The following AEBP2 variants were observed in gnomAD, a reference collection of about 807,000 sequenced individuals.
AEBP2 encodes the protein AE binding protein 2.
A neutral mutation model predicts 50.8 loss-of-function variants in AEBP2; 10 were observed. That is an observed-to-expected ratio of 0.20 (90% CI 0.12 to 0.33). The LOEUF (loss-of-function observed/expected upper bound fraction) is 0.33. Among genes scored for constraint, AEBP2 ranks in the 10% least tolerant of loss-of-function variants. The pLI is 1.00. For synonymous variants in AEBP2, 296 were observed against 261.3 expected (o/e 1.13, Z -1.28); for missense variants, 570 against 688.0 (o/e 0.83, Z 1.92).
chr12:19,460,395 G>A (rs1352200823), intron 1 of AEBP2, among the ~76,000 whole-genome samples: 4 of 151,514 alleles, frequency 2.6e-5, no homozygotes, highest in African/African-American at 9.7e-5. Flanking sequence ...AGGCTCGAGT[G>A]CAGTGGCGTT....
chr12:19,469,211 C>T (rs1948534231), intron 2 of AEBP2, among the ~76,000 whole-genome samples: 1 of 152,172 alleles, frequency 6.6e-6, no homozygotes, highest in Non-Finnish European at 1.5e-5. Context: ...CAGGCGTGAG[C>T]CACTGCACCT....
At chr12:19,444,548 C>G (rs1252735756) in intron 1 of AEBP2, among the ~76,000 whole-genome samples, 1 of 152,210 alleles carries the variant, frequency 6.6e-6, no homozygotes, top group Non-Finnish European at 1.5e-5. Flanking sequence ...GCATGAACCA[C>G]CAGACCTGGC....
intron 1 of AEBP2, among the ~76,000 whole-genome samples, chr12:19,446,668 C>G (rs1461184683): frequency 6.7e-6 from 1 of 148,752 alleles, no homozygotes; most frequent in Non-Finnish European, 1.5e-5. Flanking sequence ...GGAGGCGGAG[C>G]TTGCAGTGAG....
intron 5 of AEBP2, among the ~76,000 whole-genome samples, chr12:19,501,188 G>C (rs1248008374): frequency 2.6e-5 from 4 of 151,984 alleles, no homozygotes; most frequent in South Asian, 4.1e-4. Context: ...AAAATTACCT[G>C]GGTGTGGTAG....
intron 3 of AEBP2, among the ~76,000 whole-genome samples, chr12:19,491,710 T>A (rs1436602910): frequency 6.6e-6 from 1 of 150,768 alleles, no homozygotes; most frequent in Non-Finnish European, 1.5e-5. Flanking sequence ...ATAAGAAGAA[T>A]GTGTGATTTT....
intron 3 of AEBP2, among the ~76,000 whole-genome samples, chr12:19,491,398 T>G (rs1348829270): frequency 6.6e-6 from 1 of 152,164 alleles, no homozygotes; most frequent in Non-Finnish European, 1.5e-5. Flanking sequence ...GCCCTGTGCT[T>G]TAGTTAGGCC....
intron 2 of AEBP2, among the ~76,000 whole-genome samples, chr12:19,463,488 A>G (rs797006337): frequency 1.1e-3 from 167 of 152,276 alleles, no homozygotes; most frequent in African/African-American, 3.7e-3. Flanking sequence ...ATTTCCTATC[A>G]GCCTGGCATC....
At chr12:19,415,712 A>AATACC (rs1387892602) in intron 1 of AEBP2, among the ~76,000 whole-genome samples, 1 of 150,464 alleles carries the variant, frequency 6.6e-6, no homozygotes, top group East Asian at 1.9e-4. Flanking sequence ...AATACAATAC[A>AATACC]ATACCTCCAG....
chr12:19,483,183 C>G (rs751815929), intron 3 of AEBP2, among the ~76,000 whole-genome samples: 5 of 152,160 alleles, frequency 3.3e-5, no homozygotes, highest in Non-Finnish European at 7.4e-5. Flanking sequence ...CTGTCTTCTG[C>G]TAGTACCCTT....
At chr12:19,414,737 A>G (rs908034937) in intron 1 of AEBP2, among the ~76,000 whole-genome samples, 8 of 152,184 alleles carry the variant, frequency 5.3e-5, no homozygotes, top group African/African-American at 1.9e-4. Context: ...AACCTGGCCA[A>G]CATGGTCAAA....
intron 4 of AEBP2, among the ~76,000 whole-genome samples, chr12:19,497,505 C>T (rs1949004593): frequency 1.3e-5 from 2 of 151,780 alleles, no homozygotes; most frequent in South Asian, 2.1e-4. Context: ...CAAGGTCTCA[C>T]TTTGTTGCCG....
chr12:19,472,220 T>A (rs902865186), intron 2 of AEBP2, among the ~76,000 whole-genome samples: 1 of 152,198 alleles, frequency 6.6e-6, no homozygotes, highest in Admixed American at 6.5e-5. Flanking sequence ...TCTTTGTATA[T>A]CTTTCTTGTG....
chr12:19,450,636 C>G (rs1398704572), intron 1 of AEBP2, among the ~76,000 whole-genome samples: 1 of 141,938 alleles, frequency 7.0e-6, no homozygotes, highest in Admixed American at 7.4e-5. Flanking sequence ...TTGAGACCAG[C>G]CTAAGCAACA....
chr12:19,464,581 T>C (rs1948438005), intron 2 of AEBP2, among the ~76,000 whole-genome samples: 1 of 150,126 alleles, frequency 6.7e-6, no homozygotes, highest in Admixed American at 6.6e-5. Flanking sequence ...TTTTTTAAAA[T>C]TAATTAATTA....
At chr12:19,439,465 C>T (rs946946505), upstream of AEBP2, among the ~76,000 whole-genome samples, 1 of 151,444 alleles carries the variant, frequency 6.6e-6, no homozygotes, top group Non-Finnish European at 1.5e-5. Flanking sequence ...GGAGGTGCTG[C>T]CTCGTGCCGC....
chr12:19,477,794 A>G (rs1377075775), intron 3 of AEBP2, among the ~76,000 whole-genome samples: 1 of 152,200 alleles, frequency 6.6e-6, no homozygotes, highest in African/African-American at 2.4e-5. Flanking sequence ...TACTGGCTTC[A>G]TAGAATGACT....
At chr12:19,436,269 C>T (rs1469894070), upstream of AEBP2, among the ~76,000 whole-genome samples, 1 of 152,156 alleles carries the variant, frequency 6.6e-6, no homozygotes, top group East Asian at 1.9e-4. Context: ...ACCCTATCGT[C>T]TAAAAAATGG....
At position 19,518,385 on chromosome 12, in the gene AEBP2, C is replaced by T; in HGVS notation, c.*268C>T. ...GGAGACTGAGCAAACACTCTTTTGG[C>T]AACTTAGTAGAACAGCTTCTTAAAG... On this transcript the variant is annotated 3_prime_UTR_variant, in exon 8 of 8. Coordinates refer to ENST00000266508, the MANE Select transcript of AEBP2 (RefSeq NM_153207.5). 8.2e-7 allele frequency: 1 copy of T among 1,225,916 alleles called. No homozygotes were observed. The highest frequency in any genetic ancestry group is 1.0e-6 in the Non-Finnish European group (1 of 982,758). 75.9% of individuals were successfully genotyped at this position (1,225,916 alleles called of 1,614,324 possible).
At chr12:19,414,950 A>C (rs951837817) in intron 1 of AEBP2, among the ~76,000 whole-genome samples, 5 of 151,170 alleles carry the variant, frequency 3.3e-5, no homozygotes, top group African/African-American at 7.3e-5. Context: ...TTTGAGTCCA[A>C]ATCCCAGAGA....
Sources: allele counts gnomAD v4.1 joint callset (sites outside exome capture counted in the v4.1 genomes callset), GRCh38; gene constraint gnomAD v4.1.1; transcripts MANE v1.5; gene names NCBI Gene and HGNC (gene_info 2026-07-23, HGNC 2026-07-21).